KIAA1217: variants seen among roughly 807,000 people sequenced by gnomAD.
The protein encoded by KIAA1217 is KIAA1217.
KIAA1217 carries 88 observed loss-of-function variants against 163.9 expected under a neutral mutation model. The ratio of observed to expected loss-of-function variants is 0.54; its 90% CI spans 0.45 to 0.64. The LOEUF (loss-of-function observed/expected upper bound fraction) is 0.64, where lower values mean the gene tolerates loss of function less well. Among genes scored for constraint, KIAA1217 ranks in the 30% least tolerant of loss-of-function variants. The pLI is 0.00. For missense variants in KIAA1217, 2,372 were observed against 2,475.0 expected, an observed-to-expected ratio of 0.96 and a Z score of 0.88; for synonymous variants, 903 against 923.1, an observed-to-expected ratio of 0.98 and a Z score of 0.39.
intron 1 of KIAA1217, among the ~76,000 whole-genome samples, chr10:23,870,680 T>A (rs114794611): frequency 3.1e-3 from 472 of 152,228 alleles, no homozygotes; most frequent in African/African-American, 0.011. Flanking sequence ...AATATCTGCA[T>A]TTCATAAATG....
chr10:24,463,519 G>T (rs187408133), intron 5 of KIAA1217, among the ~76,000 whole-genome samples: 9 of 152,284 alleles, frequency 5.9e-5, no homozygotes, highest in Admixed American at 5.9e-4. Context: ...CTTACAAATG[G>T]CAATCTTCCC....
chr10:24,386,751 T>C (rs1564588960), intron 3 of KIAA1217, among the ~76,000 whole-genome samples: 1 of 152,060 alleles, frequency 6.6e-6, no homozygotes, highest in African/African-American at 2.4e-5. Flanking sequence ...TTTTTCTGTT[T>C]TTATTTTTTT....
At chr10:23,712,401 T>G (rs7093449) in intron 1 of KIAA1217, among the ~76,000 whole-genome samples, 9,032 of 151,524 alleles carry the variant, frequency 0.06, 892 homozygotes, top group African/African-American at 0.2. Flanking sequence ...TTGACTTGGC[T>G]ACCATTATAA....
chr10:24,087,535 A>G (rs1289383095), intron 2 of KIAA1217, among the ~76,000 whole-genome samples: 1 of 152,196 alleles, frequency 6.6e-6, no homozygotes, highest in African/African-American at 2.4e-5. Flanking sequence ...CTGCTCACAG[A>G]GTGCTTGGCA....
chr10:24,056,043 A>T (rs1310366240), intron 2 of KIAA1217, among the ~76,000 whole-genome samples: 2 of 152,166 alleles, frequency 1.3e-5, no homozygotes, highest in Non-Finnish European at 2.9e-5. Flanking sequence ...GCAAAAGCAA[A>T]AAAAAAGCTC....
At chr10:24,466,435 G>T in intron 5 of KIAA1217, 1 of 697,074 alleles carries the variant, frequency 1.4e-6, no homozygotes, top group Non-Finnish European at 1.8e-6. Context: ...TCACCCGTGA[G>T]GTAGCCTGTG....
At chr10:24,060,808 A>G (rs2060694598) in intron 2 of KIAA1217, among the ~76,000 whole-genome samples, 1 of 152,126 alleles carries the variant, frequency 6.6e-6, no homozygotes, top group Non-Finnish European at 1.5e-5. Flanking sequence ...CTTCGGTGAG[A>G]GAGTGAAACC....
At chr10:24,488,781 T>C (rs1212630233) in intron 6 of KIAA1217, among the ~76,000 whole-genome samples, 1 of 152,202 alleles carries the variant, frequency 6.6e-6, no homozygotes, top group African/African-American at 2.4e-5. Flanking sequence ...AACAAGGGCA[T>C]AGCCTCGCTT....
At chr10:24,523,453 T>C (rs1186065216) in intron 12 of KIAA1217, among the ~76,000 whole-genome samples, 1 of 152,052 alleles carries the variant, frequency 6.6e-6, no homozygotes, top group Non-Finnish European at 1.5e-5. Context: ...GAGCACTGAG[T>C]AGCAGAAGAG....
chr10:24,073,412 A>G (rs950743753), intron 2 of KIAA1217, among the ~76,000 whole-genome samples: 1 of 152,136 alleles, frequency 6.6e-6, no homozygotes, highest in African/African-American at 2.4e-5. Context: ...TCTGAAGAAC[A>G]CTCACATAGA....
chr10:24,432,265 G>C (rs2059662801), intron 3 of KIAA1217, among the ~76,000 whole-genome samples: 1 of 151,516 alleles, frequency 6.6e-6, no homozygotes, highest in African/African-American at 2.4e-5. Flanking sequence ...TTACAGGCAT[G>C]TGCCACCACA....
intron 3 of KIAA1217, among the ~76,000 whole-genome samples, chr10:24,384,927 G>A (rs975794477): frequency 2.0e-4 from 31 of 152,336 alleles, no homozygotes; most frequent in Non-Finnish European, 2.4e-4. Context: ...TATGCGTCTT[G>A]TTGACCTCAC....
rs141162023 is a variant in KIAA1217, at chr10:24,029,759, C to T, written c.-171+22385C>T. Among the ~76,000 whole-genome samples the T allele has an allele frequency of 1.2e-3, 183 of 152,286 alleles. 1 individual carries two copies. The highest frequency in any genetic ancestry group is 4.1e-3 in the African/African-American group (172 of 41,570). Reference sequence around the variant, plus strand: ...TTTATGAGACCATTTGATCTCTAGCCTTGCCCATGATGCGTAGAGTGGTTG... The same window carrying T: ...TTTATGAGACCATTTGATCTCTAGCTTTGCCCATGATGCGTAGAGTGGTTG... On this transcript the variant is annotated intron_variant, in intron 2 of 18. Coordinates refer to the KIAA1217 transcript ENST00000376462.
At chr10:24,067,036 C>T (rs532657625) in intron 2 of KIAA1217, among the ~76,000 whole-genome samples, 1 of 152,140 alleles carries the variant, frequency 6.6e-6, no homozygotes. Context: ...TTCTAGTTAT[C>T]CATTGATCTA....
chr10:23,974,786 G>C (rs1845469440), intron 1 of KIAA1217, among the ~76,000 whole-genome samples: 1 of 152,036 alleles, frequency 6.6e-6, no homozygotes. Flanking sequence ...GAAACACCAA[G>C]TACGACGCCA....
intron 2 of KIAA1217, among the ~76,000 whole-genome samples, chr10:24,104,861 A>T (rs1053733710): frequency 6.6e-6 from 1 of 152,214 alleles, no homozygotes; most frequent in Non-Finnish European, 1.5e-5. Flanking sequence ...CTGTACTTAT[A>T]AAAATGATGA....
At chr10:23,943,700 C>T in intron 1 of KIAA1217, among the ~76,000 whole-genome samples, 1 of 152,156 alleles carries the variant, frequency 6.6e-6, no homozygotes, top group East Asian at 1.9e-4. Context: ...ATTGGAAAAT[C>T]CATACTACCT....
At chr10:24,078,505 C>A (rs1284691290) in intron 2 of KIAA1217, among the ~76,000 whole-genome samples, 1 of 152,210 alleles carries the variant, frequency 6.6e-6, no homozygotes, top group Non-Finnish European at 1.5e-5. Context: ...AATTATTATC[C>A]CATTGTGCGT....
At chr10:24,244,561 CTTTTT>C (rs11318420) in intron 2 of KIAA1217, among the ~76,000 whole-genome samples, 6 of 85,280 alleles carry the variant, frequency 7.0e-5, no homozygotes, top group Admixed American at 1.3e-4. Flanking sequence ...TTCTTTCTTT[CTTTTT>C]TTTTTTTTTT....
Sources: gnomAD v4.1 joint callset for allele counts (sites outside exome capture counted in the v4.1 genomes callset) on GRCh38, gnomAD v4.1.1 for gene constraint, MANE v1.5 for transcripts, NCBI Gene and HGNC (gene_info 2026-07-23, HGNC 2026-07-21) for gene names.